The following NOMO2 variants were observed in gnomAD, a reference collection of about 807,000 sequenced individuals.
NOMO2 encodes the protein NODAL modulator 2, also known as BOS complex subunit NOMO2.
In NOMO2, 14 loss-of-function variants were observed where a neutral mutation model predicts 67.1. That is an observed-to-expected ratio of 0.21 (90% CI 0.14 to 0.33). The LOEUF (loss-of-function observed/expected upper bound fraction) is 0.33, where lower values mean the gene tolerates loss of function less well. NOMO2 is among the 10% of genes least tolerant of loss of function. NOMO2 has a pLI of 1.00. For missense variants in NOMO2, 178 were observed against 761.0 expected, an observed-to-expected ratio of 0.23 and a Z score of 9.01; for synonymous variants, 80 against 305.9, an observed-to-expected ratio of 0.26 and a Z score of 7.71.
chr16:18,556,848 G>A (rs532130416), intron 2 of NOMO2, among the ~76,000 whole-genome samples: 5 of 152,152 alleles, frequency 3.3e-5, no homozygotes, highest in Admixed American at 6.5e-5. Flanking sequence ...TAAGAGGGCC[G>A]GAAACATCGG....
intron 4 of NOMO2, among the ~76,000 whole-genome samples, chr16:18,550,885 G>A (rs1184836124): frequency 1.3e-5 from 2 of 151,842 alleles, no homozygotes. Context: ...GCGGCTGGGT[G>A]CACAGCGTAC....
In NOMO2 at chr16:18,540,240, G is replaced by C. The variant is rs889757101; in HGVS notation, c.964-1276C>G. Among the ~76,000 whole-genome samples the C allele has an allele frequency of 2.6e-4, 38 of 143,532 alleles. 1 individual carries two copies. The highest frequency in any genetic ancestry group is 7.5e-4 in the African/African-American group (30 of 39,736). 94.2% of individuals were successfully genotyped at this position (143,532 alleles called of 152,430 possible). On this transcript the variant is annotated intron_variant, in intron 9 of 30. Coordinates refer to ENST00000622306, the MANE Select transcript of NOMO2 (RefSeq NM_173614.4). ...TTCAGCAAATGGTTTCTTAGTGATGGTCTCACATGACAGGTAGTCCTTCCT... is the reference window on the plus strand; with the variant it reads ...TTCAGCAAATGGTTTCTTAGTGATGCTCTCACATGACAGGTAGTCCTTCCT...
At chr16:18,557,576 T>A in intron 2 of NOMO2, 126 bp downstream of exon 2, 1 of 1,597,588 alleles carries the variant, frequency 6.3e-7, no homozygotes, top group East Asian at 2.2e-5. Flanking sequence ...ACTAGGATTA[T>A]CATATTCCAC....
intron 11 of NOMO2, among the ~76,000 whole-genome samples, chr16:18,535,762 A>G (rs1901404174): frequency 1.3e-5 from 2 of 152,060 alleles, no homozygotes; most frequent in South Asian, 4.2e-4. Context: ...AACTTTTTAA[A>G]GTACCATGAT....
intron 1 of NOMO2, among the ~76,000 whole-genome samples, chr16:18,559,033 C>T (rs1901978206): frequency 6.6e-6 from 1 of 151,740 alleles, no homozygotes; most frequent in African/African-American, 2.4e-5. Flanking sequence ...CATGATGGCA[C>T]GTGCCTGTAG....
At chr16:18,556,010 TC>T (rs1214673558) in intron 2 of NOMO2, among the ~76,000 whole-genome samples, 1 of 92,390 alleles carries the variant, frequency 1.1e-5, no homozygotes, top group African/African-American at 4.0e-5. Flanking sequence ...TCCTATGCAT[TC>T]TGGATGAAGA....
chr16:18,529,830 T>G (rs1405383977), intron 14 of NOMO2, among the ~76,000 whole-genome samples, 193 bp from the exon 15 acceptor site: 1 of 151,022 alleles, frequency 6.6e-6, no homozygotes, highest in Non-Finnish European at 1.5e-5. Context: ...AAAGAAAACC[T>G]GGAGTCGAGC....
At chr16:18,551,706 A>AT (rs1901792403) in intron 3 of NOMO2, among the ~76,000 whole-genome samples, 167 bp from the exon 4 acceptor site, 1 of 144,658 alleles carries the variant, frequency 6.9e-6, no homozygotes, top group Non-Finnish European at 1.5e-5. Flanking sequence ...ACAAAAAAGT[A>AT]TTCTGGGAAA....
intron 3 of NOMO2, among the ~76,000 whole-genome samples, chr16:18,554,496 C>A (rs1283714650): frequency 3.3e-5 from 5 of 151,722 alleles, no homozygotes; most frequent in Non-Finnish European, 7.4e-5. Context: ...GGACGGGAAC[C>A]AAGTCCCCAC....
chr16:18,535,514 C>T (rs1019156554), intron 11 of NOMO2, among the ~76,000 whole-genome samples: 1 of 151,978 alleles, frequency 6.6e-6, no homozygotes, highest in Non-Finnish European at 1.5e-5. Flanking sequence ...GCGCCTCCTC[C>T]ATCTACCCAG....
chr16:18,538,933 G>T lies in NOMO2; in HGVS notation c.995C>A (p.Thr332Asn). Residue 332 changes from threonine (T) to asparagine (N), a missense_variant, in exon 10 of 31, where the codon ACC (threonine) becomes AAC (asparagine). Physicochemically the swap from Thr to Asn is moderately conservative, Grantham distance 65. Coordinates refer to ENST00000622306, the MANE Select transcript of NOMO2 (RefSeq NM_173614.4). The part of the protein sequence containing the change: ...PVFHVMGFSV[T>N]GRVLNGPEGD... ...TTCGGGTCCGTTCAAGACCCTCCCG[G>T]TGACGGAGAATCCCATGACGTGGAA... 1 of 1,543,282 alleles carries T rather than the reference G, an allele frequency of 6.5e-7. No homozygotes were observed.
rs772277381 is a variant in NOMO2, at chr16:18,531,438, G to A, written c.1537+28C>T. 3.7e-6 allele frequency: 6 copies of A among 1,613,082 alleles called. No homozygotes were observed. The East Asian group carries it at 1.3e-4, about 36-fold the overall frequency. The stretch of plus-strand genomic sequence containing the variant: ...TACTGGCTGACTTCTTTGAAACTAT[G>A]TGTTCTTACTTTCCAGTGATATCTT... On this transcript the variant is annotated intron_variant, in intron 13 of 30. Coordinates refer to ENST00000622306, the MANE Select transcript of NOMO2 (RefSeq NM_173614.4).
At chr16:18,547,509 G>GGTGCTCCATGTGCTGATCGGAAAGAGGA (rs1334513781) in intron 5 of NOMO2, among the ~76,000 whole-genome samples, 2 of 151,948 alleles carry the variant, frequency 1.3e-5, no homozygotes, top group Non-Finnish European at 1.5e-5. Context: ...TGTCAAGAGG[G>GGTGCTCCATGTGCTGATCGGAAAGAGGA]GTGCTCCATG....
chr16:18,529,867 C>G (rs536802297), intron 14 of NOMO2, among the ~76,000 whole-genome samples: 3 of 151,532 alleles, frequency 2.0e-5, no homozygotes, highest in Non-Finnish European at 4.4e-5. Flanking sequence ...ATAATCCCAG[C>G]ACTCTGGGAG....
intron 9 of NOMO2, among the ~76,000 whole-genome samples, chr16:18,541,875 C>T (rs1901555657): frequency 7.7e-6 from 1 of 129,394 alleles, no homozygotes; most frequent in Non-Finnish European, 1.7e-5. Flanking sequence ...ATGAGGTCCA[C>T]AGGGACAAGA....
intron 3 of NOMO2, among the ~76,000 whole-genome samples, chr16:18,554,197 G>A (rs1234058119): frequency 2.6e-5 from 4 of 152,108 alleles, no homozygotes; most frequent in African/African-American, 4.8e-5. Context: ...CTGAGTACTT[G>A]CTAATTACGT....
intron 3 of NOMO2, among the ~76,000 whole-genome samples, chr16:18,552,838 C>G (rs898341083): frequency 3.3e-5 from 5 of 152,050 alleles, no homozygotes; most frequent in Non-Finnish European, 5.9e-5. Context: ...CTGTGATACA[C>G]TCAGCAAAAA....
At chr16:18,558,509 G>A (rs1901962777) in intron 1 of NOMO2, among the ~76,000 whole-genome samples, 2 of 149,364 alleles carry the variant, frequency 1.3e-5, no homozygotes, top group African/African-American at 4.9e-5. Context: ...CTAAAGGTCT[G>A]GAATGAGGGC....
chr16:18,528,958 A>G (rs1596845029), intron 15 of NOMO2, among the ~76,000 whole-genome samples: 1 of 100,372 alleles, frequency 1.0e-5, no homozygotes, highest in East Asian at 2.4e-4. Flanking sequence ...ACAGAGCAAG[A>G]CTCCATCTCA....
Sources: gnomAD v4.1 joint callset for allele counts (sites outside exome capture counted in the v4.1 genomes callset) on GRCh38, gnomAD v4.1.1 for gene constraint, MANE v1.5 for transcripts, NCBI Gene and HGNC (gene_info 2026-07-23, HGNC 2026-07-21) for gene names.